The following NXPE4 variants were observed in gnomAD, a reference collection of about 807,000 sequenced individuals.
The protein encoded by NXPE4 is NXPE family member 4.
NXPE4 carries 42 observed loss-of-function variants against 33.3 expected under a neutral mutation model. That is an observed-to-expected ratio of 1.26 (90% CI 0.98 to 1.63). NXPE4 has a LOEUF of 1.63. NXPE4 is among the 40% of genes most tolerant of loss of function. The pLI is 0.00. For missense variants in NXPE4, 709 were observed against 647.6 expected (o/e 1.09, Z -1.03); for synonymous variants, 253 against 234.9 (o/e 1.08, Z -0.71).
the NXPE4 span, among the ~76,000 whole-genome samples, chr11:114,636,956 A>G: frequency 6.6e-6 from 1 of 152,026 alleles, no homozygotes; most frequent in African/African-American, 2.4e-5. Flanking sequence ...TGGGGTGGAG[A>G]GTTCTGTAGA....
chr11:114,617,832 C>A, the NXPE4 span, among the ~76,000 whole-genome samples: 1 of 152,046 alleles, frequency 6.6e-6, no homozygotes. Flanking sequence ...TCATGGGAAA[C>A]CAGTGTTACC....
At chr11:114,599,268 A>G (rs1949612113), upstream of NXPE4, among the ~76,000 whole-genome samples, 1 of 152,156 alleles carries the variant, frequency 6.6e-6, no homozygotes, top group Admixed American at 6.5e-5. Context: ...TCCGATTCCC[A>G]GTAAGTTCCT....
the NXPE4 span, among the ~76,000 whole-genome samples, chr11:114,629,371 C>A: frequency 6.6e-6 from 1 of 152,010 alleles, no homozygotes; most frequent in African/African-American, 2.4e-5. Flanking sequence ...TCAATATACA[C>A]AAATCAATAA....
the NXPE4 span, among the ~76,000 whole-genome samples, chr11:114,618,351 C>T: frequency 2.0e-5 from 3 of 146,454 alleles, no homozygotes. Context: ...GTTACCTGGT[C>T]AATAATAAGT....
At chr11:114,613,795 G>A in the NXPE4 span, among the ~76,000 whole-genome samples, 1 of 151,804 alleles carries the variant, frequency 6.6e-6, no homozygotes, top group African/African-American at 2.4e-5. Context: ...CAGTTAGCCG[G>A]TGGATAATAC....
chr11:114,620,287 A>T, the NXPE4 span, among the ~76,000 whole-genome samples: 1 of 152,078 alleles, frequency 6.6e-6, no homozygotes, highest in Non-Finnish European at 1.5e-5. Flanking sequence ...GTGGATAATA[A>T]GTAATGCCTC....
intron 4 of NXPE4, 125 bp downstream of exon 4, chr11:114,581,600 C>T (rs1949146946): frequency 2.6e-6 from 2 of 757,248 alleles, no homozygotes; most frequent in Non-Finnish European, 4.4e-6. Flanking sequence ...TCTTGGCCAA[C>T]CTTAGATAAG....
At chr11:114,612,204 G>A in the NXPE4 span, among the ~76,000 whole-genome samples, 1 of 151,928 alleles carries the variant, frequency 6.6e-6, no homozygotes, top group African/African-American at 2.4e-5. Context: ...GTTACACGGT[G>A]GAGAATAAGT....
intron 2 of NXPE4, among the ~76,000 whole-genome samples, chr11:114,593,841 TATAAA>T (rs1949517751): frequency 6.6e-6 from 1 of 152,174 alleles, no homozygotes; most frequent in Admixed American, 6.5e-5. Flanking sequence ...AGTATTCAGT[TATAAA>T]AAGAACAAGA....
the NXPE4 span, among the ~76,000 whole-genome samples, chr11:114,646,127 A>G: frequency 1.3e-5 from 2 of 152,090 alleles, no homozygotes; most frequent in South Asian, 4.2e-4. Context: ...TCTCATTTTT[A>G]TATGCTGGCC....
chr11:114,597,392 A>G (rs182362443), upstream of NXPE4, among the ~76,000 whole-genome samples: 158 of 152,304 alleles, frequency 1.0e-3, no homozygotes, highest in African/African-American at 3.7e-3. Flanking sequence ...TCAGATAGAA[A>G]ATATTTTCGG....
the NXPE4 span, among the ~76,000 whole-genome samples, chr11:114,641,516 G>A: frequency 6.6e-6 from 1 of 152,052 alleles, no homozygotes; most frequent in African/African-American, 2.4e-5. Flanking sequence ...ATTATATTGA[G>A]AGGGAAATAT....
chr11:114,617,464 C>A, the NXPE4 span, among the ~76,000 whole-genome samples: 2 of 151,490 alleles, frequency 1.3e-5, no homozygotes, highest in African/African-American at 4.8e-5. Flanking sequence ...CCACTGTTAT[C>A]TGCTGGATAT....
chr11:114,635,593 C>T, the NXPE4 span, among the ~76,000 whole-genome samples: 4 of 152,038 alleles, frequency 2.6e-5, no homozygotes, highest in African/African-American at 7.2e-5. Context: ...ATGATATTGG[C>T]TGTGGGTTTG....
the NXPE4 span, among the ~76,000 whole-genome samples, chr11:114,601,890 A>G: frequency 2.3e-5 from 1 of 42,806 alleles, no homozygotes; most frequent in African/African-American, 6.9e-5. Context: ...ATAATTATAT[A>G]TTATATTTAT....
At chr11:114,612,408 C>A in the NXPE4 span, among the ~76,000 whole-genome samples, 3 of 152,026 alleles carry the variant, frequency 2.0e-5, no homozygotes, top group Non-Finnish European at 4.4e-5. Flanking sequence ...ACCACTGTTA[C>A]CCGGTGGATA....
chr11:114,598,111 A>G (rs1949598624), upstream of NXPE4, among the ~76,000 whole-genome samples: 3 of 152,192 alleles, frequency 2.0e-5, no homozygotes, highest in South Asian at 2.1e-4. Flanking sequence ...ACATTCTAAA[A>G]GGGAAAAATT....
upstream of NXPE4, among the ~76,000 whole-genome samples, chr11:114,597,878 A>G (rs1456024102): frequency 6.6e-6 from 1 of 152,144 alleles, no homozygotes; most frequent in Non-Finnish European, 1.5e-5. Flanking sequence ...ATTTCAAAAT[A>G]CAATCATTGT....
chr11:114,674,036 T>C, the NXPE4 span, among the ~76,000 whole-genome samples: 1 of 151,594 alleles, frequency 6.6e-6, no homozygotes, highest in Non-Finnish European at 1.5e-5. Context: ...TTAGTGGAGA[T>C]TAAAAATTTC....
Sources: allele counts gnomAD v4.1 joint callset (sites outside exome capture counted in the v4.1 genomes callset), GRCh38; gene constraint gnomAD v4.1.1; transcripts MANE v1.5; gene names NCBI Gene and HGNC (gene_info 2026-07-23, HGNC 2026-07-21).